The following CFAP91 variants were observed in gnomAD, a reference collection of about 807,000 sequenced individuals.
CFAP91 encodes the protein cilia- and flagella-associated protein 91.
Under a neutral mutation model 95.9 loss-of-function variants are expected in CFAP91, and 85 were observed. The observed-to-expected ratio is 0.89, with a 90% CI of 0.74 to 1.06. The LOEUF (loss-of-function observed/expected upper bound fraction) is 1.06. Ranked by LOEUF, CFAP91 falls within the 50% of genes least tolerant of loss-of-function variation. The pLI is 0.00. For missense variants in CFAP91, 962 were observed against 943.4 expected (o/e 1.02, Z -0.26); for synonymous variants, 335 against 327.5 (o/e 1.02, Z -0.25).
Position 119,709,820 on chromosome 3 carries a change from G to C in CFAP91, c.444-19G>C, listed in dbSNP as rs752907242. ...CATTGCAAAAGTCCCACACATTTAT[G>C]TTTTCTTTTTCCTCCCAGGCCTTTT... On this transcript the variant is annotated intron_variant, in intron 4 of 17. Coordinates refer to ENST00000273390, the MANE Select transcript of CFAP91 (RefSeq NM_033364.4). 1 of 1,594,836 alleles carries C rather than the reference G, an allele frequency of 6.3e-7. No homozygotes were observed. Among genetic ancestry groups the C allele is most frequent in the Non-Finnish European group, 8.6e-7 (1 of 1,162,850 alleles).
rs1190919998 is a variant in CFAP91, at chr3:119,765,068, A to G, written c.*18A>G. On this transcript the variant is annotated 3_prime_UTR_variant, in exon 18 of 18. Transcript: ENST00000273390. ...TTTTTACAGATTGTGATTTTTTTGT[A>G]AAAGAAGCTGTACGAATCATCATAA... 1 of 152,186 alleles carries G rather than the reference A, an allele frequency of 6.6e-6. No homozygotes were observed. The highest frequency in any genetic ancestry group is 1.9e-4 in the East Asian group (1 of 5,204). The allele number at this position is 152,186 out of a possible 1,614,324, so 9.4% of individuals were successfully genotyped here.
chr3:119,715,386 T>C (rs1242162137), intron 5 of CFAP91, 176 bp from the exon 6 acceptor site: 1 of 717,006 alleles, frequency 1.4e-6, no homozygotes, highest in Admixed American at 2.0e-5. Flanking sequence ...ACAAGGCAAT[T>C]CTCTCAAGAT....
intron 7 of CFAP91, among the ~76,000 whole-genome samples, chr3:119,727,400 A>G (rs771210355): frequency 5.3e-5 from 8 of 152,220 alleles, no homozygotes; most frequent in Non-Finnish European, 1.0e-4. Flanking sequence ...TACTTTGGAA[A>G]GATATGTGTC....
intron 12 of CFAP91, among the ~76,000 whole-genome samples, chr3:119,739,836 T>C (rs537221159): frequency 1.3e-5 from 2 of 152,318 alleles, no homozygotes; most frequent in Admixed American, 1.3e-4. Flanking sequence ...TCATTTTTTT[T>C]TCCTATCCAT....
rs771950904 is a variant in CFAP91 at position 119,751,095 on chromosome 3, T to A, written c.2302T>A (p.Ter768LysextTer30). 2 of 1,592,696 alleles carry A rather than the reference T, an allele frequency of 1.3e-6. No individual in the cohort carries two copies. Among genetic ancestry groups the A allele is most frequent in the Non-Finnish European group, 1.7e-6 (2 of 1,171,636 alleles). The change falls in exon 17 of 18, where the codon TAA (stop) becomes AAA (lysine). Residue 768 changes from the stop codon to lysine, a stop_lost. Coordinates refer to ENST00000273390, the MANE Select transcript of CFAP91 (RefSeq NM_033364.4). ...AGAAACTCAAAATGAGAACAACAGC[T>A]AAGGTGAGTTTGATTTTCCACCAGG... ...EKETQNENNS[*>K] is the part of the protein sequence containing the mutation.
At chr3:119,749,945 A>G (rs926034252) in intron 16 of CFAP91, among the ~76,000 whole-genome samples, 1 of 152,234 alleles carries the variant, frequency 6.6e-6, no homozygotes, top group Non-Finnish European at 1.5e-5. Context: ...TTAAATGTAC[A>G]CTATCTCAAT....
chr3:119,746,922 C>A (rs929163385), intron 14 of CFAP91, among the ~76,000 whole-genome samples, 193 bp from the exon 15 acceptor site: 2 of 152,180 alleles, frequency 1.3e-5, no homozygotes, highest in East Asian at 3.9e-4. Context: ...GTGTGGGCTG[C>A]CCAGAGTGAG....
chr3:119,707,471 G>A lies in CFAP91; in HGVS notation c.269G>A (p.Trp90Ter), dbSNP rs1381036523. Residue 90 changes from tryptophan to a stop codon, truncating the protein, a stop_gained, in exon 3 of 18, where the codon TGG (tryptophan) becomes TAG (stop). Coordinates refer to ENST00000273390, the MANE Select transcript of CFAP91 (RefSeq NM_033364.4). LOFTEE classifies it high-confidence loss of function. ...CATTATCCAAGATATTCTCTATATT[G>A]GAGCAAGTCAGATCCTGTCCCACCA... is the stretch of plus-strand genomic sequence containing the variant. Reference protein sequence around the residue: ...LIHYPRYSLYWSKSDPVPPFI... With the variant: ...LIHYPRYSLY 1.9e-6 allele frequency: 3 copies of A among 1,596,900 alleles called. No homozygotes were observed.
At position 119,703,232 on chromosome 3, in the gene CFAP91, G is replaced by A. The variant is rs543734972; in HGVS notation, c.124+10G>A. 16 of 1,610,886 alleles carry A rather than the reference G, an allele frequency of 9.9e-6. No individual in the cohort carries two copies. In the African/African-American group the frequency reaches 1.7e-4, roughly 17 times the overall value. Reference sequence around the variant, plus strand: ...TATGATTTTCTGTACGGTAAGGACCGCCGCAGACCTTCCTCCGCGTCCGTC... The same window carrying A: ...TATGATTTTCTGTACGGTAAGGACCACCGCAGACCTTCCTCCGCGTCCGTC... On this transcript the variant is annotated intron_variant, in intron 1 of 17. Transcript: ENST00000273390.
In CFAP91 at chr3:119,766,330, A is replaced by T. The variant is rs181231327; in HGVS notation, c.*1280A>T. On this transcript the variant is annotated 3_prime_UTR_variant, in exon 18 of 18. Transcript: ENST00000273390. ...AATTAATTTTCTGAGTTTTTTTTTA[A>T]AAAAACTAATTATACAAACTTGAAA... 5.5e-4 allele frequency: 84 copies of T among 152,236 alleles called. No individual in the cohort carries two copies. The East Asian group carries it at 0.013, about 23-fold the overall frequency. 9.4% of individuals were successfully genotyped at this position (152,236 alleles called of 1,614,324 possible). A position where few individuals can be genotyped will look rare whatever the true frequency, so the allele number is the denominator to read the frequency against.
intron 6 of CFAP91, among the ~76,000 whole-genome samples, chr3:119,722,258 A>G (rs1447931920): frequency 3.9e-5 from 6 of 151,946 alleles, no homozygotes; most frequent in African/African-American, 1.2e-4. Flanking sequence ...GGAGTTCAAG[A>G]CCAGCCTGGC....
At chr3:119,751,536 T>C (rs1433971793) in intron 17 of CFAP91, among the ~76,000 whole-genome samples, 4 of 151,984 alleles carry the variant, frequency 2.6e-5, no homozygotes, top group Non-Finnish European at 5.9e-5. Context: ...CCACAAGGGG[T>C]TGGTCTTGGG....
Position 119,734,750 on chromosome 3 carries a change from C to G in CFAP91, c.1344+1244C>G, listed in dbSNP as rs145767609. 8.3e-3 allele frequency among the ~76,000 whole-genome samples: 1,260 copies of G among 152,184 alleles called. 6 individuals carry two copies. The highest frequency in any genetic ancestry group is 0.014 in the Non-Finnish European group (938 of 67,998). On this transcript the variant is annotated intron_variant, in intron 10 of 17. Transcript: ENST00000273390. ...TTCTTGTTTTTCTTTCTCATTTTGA[C>G]TATGTATGGGGTTGGTGTTATAATT...
chr3:119,745,038 A>G (rs1032426483), intron 14 of CFAP91, among the ~76,000 whole-genome samples: 3 of 152,230 alleles, frequency 2.0e-5, no homozygotes, highest in South Asian at 2.1e-4. Flanking sequence ...TTAGGAAGAT[A>G]CCTTCTAAAT....
chr3:119,716,834 C>T (rs1182854751), intron 6 of CFAP91, among the ~76,000 whole-genome samples: 1 of 152,138 alleles, frequency 6.6e-6, no homozygotes, highest in Admixed American at 6.5e-5. Context: ...TCGTGATCTG[C>T]CCACCTCAGC....
At chr3:119,752,562 A>G (rs1238045081) in intron 17 of CFAP91, among the ~76,000 whole-genome samples, 1 of 152,226 alleles carries the variant, frequency 6.6e-6, no homozygotes, top group Non-Finnish European at 1.5e-5. Context: ...GGACCAAAGC[A>G]TTTGGCTACC....
At chr3:119,706,261 A>G (rs1221805601) in intron 1 of CFAP91, 3 of 152,540 alleles carry the variant, frequency 2.0e-5, no homozygotes, top group Admixed American at 6.5e-5. Context: ...TAAAAATAAC[A>G]GTTCCATCAT....
intron 5 of CFAP91, among the ~76,000 whole-genome samples, chr3:119,714,519 CT>C (rs1292974660): frequency 2.6e-5 from 4 of 152,086 alleles, no homozygotes; most frequent in African/African-American, 7.2e-5. Flanking sequence ...TCTTTTAAAT[CT>C]TTGCTTATGT....
chr3:119,755,495 CCTCT>C (rs1031388653), intron 17 of CFAP91, among the ~76,000 whole-genome samples: 7 of 151,934 alleles, frequency 4.6e-5, no homozygotes, highest in African/African-American at 1.7e-4. Flanking sequence ...TGCCATTCTC[CCTCT>C]CTCTCTCTTC....
Sources: allele counts gnomAD v4.1 joint callset (sites outside exome capture counted in the v4.1 genomes callset), GRCh38; gene constraint gnomAD v4.1.1; transcripts MANE v1.5; gene names NCBI Gene and HGNC (gene_info 2026-07-23, HGNC 2026-07-21).